CMTM7: variants seen among roughly 807,000 people sequenced by gnomAD.
The protein encoded by CMTM7 is CKLF like MARVEL transmembrane domain containing 7.
CMTM7 carries 7 observed loss-of-function variants against 19.3 expected under a neutral mutation model. The ratio of observed to expected loss-of-function variants is 0.36; its 90% confidence interval spans 0.21 to 0.68. The LOEUF is 0.68. Among genes scored for constraint, CMTM7 ranks in the 30% least tolerant of loss-of-function variants. CMTM7 has a pLI of 0.60. For missense variants in CMTM7, 193 were observed against 232.6 expected, an observed-to-expected ratio of 0.83 and a Z score of 1.11; for synonymous variants, 87 against 99.3, an observed-to-expected ratio of 0.88 and a Z score of 0.74.
chr3:32,394,363 G>C (rs189080844), intron 1 of CMTM7, among the ~76,000 whole-genome samples: 18 of 152,272 alleles, frequency 1.2e-4, no homozygotes, highest in Admixed American at 1.2e-3. Context: ...TTGACCATCA[G>C]TTTCTCAGTT....
intron 2 of CMTM7, among the ~76,000 whole-genome samples, chr3:32,444,638 T>C (rs114293958): frequency 0.011 from 1,747 of 152,362 alleles, 44 homozygotes; most frequent in African/African-American, 0.04. Context: ...ATTTGGAGAA[T>C]ATTGCTATCC....
Position 32,392,075 on chromosome 3 carries a change from C to G in CMTM7, c.159+10C>G. The stretch of plus-strand genomic sequence containing the variant: ...GAAAGTGGCGCAAATGGTAAGTGAG[C>G]GCGGGGCGCGAGGCCGAGGTTCTAC... On this transcript the variant is annotated intron_variant, in intron 1 of 4. Transcript: ENST00000334983. The G allele has an allele frequency of 8.1e-7, 1 of 1,232,738 alleles. No homozygotes were observed. Among genetic ancestry groups the G allele is most frequent in the Non-Finnish European group, 1.0e-6 (1 of 986,366 alleles). 76.4% of individuals were successfully genotyped at this position (1,232,738 alleles called of 1,614,324 possible). A position where few individuals can be genotyped will look rare whatever the true frequency, so the allele number is the denominator to read the frequency against.
At chr3:32,434,076 C>T (rs1220691961) in intron 1 of CMTM7, among the ~76,000 whole-genome samples, 1 of 151,928 alleles carries the variant, frequency 6.6e-6, no homozygotes, top group Non-Finnish European at 1.5e-5. Flanking sequence ...GTAATCCGAG[C>T]TACGTGGGAG....
chr3:32,422,186 C>T (rs998669117), intron 1 of CMTM7, among the ~76,000 whole-genome samples: 1 of 152,244 alleles, frequency 6.6e-6, no homozygotes, highest in East Asian at 1.9e-4. Flanking sequence ...CACATGCTTA[C>T]AAATCCCTTA....
intron 1 of CMTM7, among the ~76,000 whole-genome samples, chr3:32,436,584 G>A (rs1309053502): frequency 1.3e-5 from 2 of 152,156 alleles, no homozygotes; most frequent in Non-Finnish European, 2.9e-5. Flanking sequence ...GGCTTTTGAT[G>A]TTAGCTTTCA....
chr3:32,422,348 CGGGCCCA>C (rs1281448230), intron 1 of CMTM7, among the ~76,000 whole-genome samples: 1 of 152,230 alleles, frequency 6.6e-6, no homozygotes, highest in African/African-American at 2.4e-5. Context: ...ACTTCTGGCA[CGGGCCCA>C]GGGCTGGGTG....
chr3:32,449,672 AC>A lies in CMTM7; in HGVS notation c.432+122del. ...CATTCCCTTCATAGAATCAATACCT[AC>A]CTTGATCCAGCCATCAGCTCTCTCC... is the stretch of plus-strand genomic sequence containing the variant. On this transcript the variant is annotated intron_variant, in intron 3 of 4. Coordinates refer to ENST00000334983, the MANE Select transcript of CMTM7 (RefSeq NM_138410.4). This position sits in a 1 kb window ranked among gnomAD's most constrained non-coding sequence, Gnocchi z 4.5. The A allele has an allele frequency of 1.3e-6, 1 of 768,320 alleles. No homozygotes were observed. 47.6% of individuals were successfully genotyped at this position (768,320 alleles called of 1,614,324 possible). A position where few individuals can be genotyped will look rare whatever the true frequency, so the allele number is the denominator to read the frequency against.
At chr3:32,423,467 C>A (rs1229615184) in intron 1 of CMTM7, among the ~76,000 whole-genome samples, 2 of 152,142 alleles carry the variant, frequency 1.3e-5, no homozygotes, top group African/African-American at 4.8e-5. Flanking sequence ...AGGGTGGAGG[C>A]AGAAGTTGTG....
chr3:32,394,620 T>G (rs1233777594), intron 1 of CMTM7, among the ~76,000 whole-genome samples: 1 of 152,236 alleles, frequency 6.6e-6, no homozygotes, highest in African/African-American at 2.4e-5. Context: ...CTGGCCATGA[T>G]AATTCAGTTT....
At chr3:32,433,326 T>C (rs1014923010) in intron 1 of CMTM7, among the ~76,000 whole-genome samples, 11 of 152,336 alleles carry the variant, frequency 7.2e-5, no homozygotes, top group African/African-American at 2.4e-4. Flanking sequence ...GATGTGATTG[T>C]GGTACAGACC....
chr3:32,436,874 G>A (rs573037465), intron 1 of CMTM7, among the ~76,000 whole-genome samples: 8 of 152,084 alleles, frequency 5.3e-5, no homozygotes, highest in Admixed American at 1.3e-4. Flanking sequence ...AGAAGCCGAC[G>A]TCTCTTGAAA....
chr3:32,441,809 C>T, intron 1 of CMTM7, 31 bp from the exon 2 acceptor site: 1 of 1,605,226 alleles, frequency 6.2e-7, no homozygotes, highest in Non-Finnish European at 8.5e-7. Context: ...CTTGGGCAAG[C>T]ATTTCTCTGA....
intron 1 of CMTM7, among the ~76,000 whole-genome samples, chr3:32,431,324 G>A (rs1471366533): frequency 2.0e-5 from 3 of 152,160 alleles, no homozygotes; most frequent in African/African-American, 7.2e-5. Flanking sequence ...GTAGCATTAT[G>A]GGTAATTTTT....
intron 2 of CMTM7, among the ~76,000 whole-genome samples, chr3:32,448,193 G>GT (rs1174445224): frequency 6.6e-6 from 1 of 152,172 alleles, no homozygotes; most frequent in Non-Finnish European, 1.5e-5. Context: ...TCTCAAGTTG[G>GT]TTTTCTCTGC....
intron 2 of CMTM7, among the ~76,000 whole-genome samples, chr3:32,443,536 A>G (rs993610686): frequency 6.6e-6 from 1 of 152,196 alleles, no homozygotes; most frequent in Admixed American, 6.5e-5. Flanking sequence ...GCATTCATAT[A>G]CAAGTTTTTT....
intron 1 of CMTM7, among the ~76,000 whole-genome samples, chr3:32,415,073 A>T (rs1696239389): frequency 1.3e-5 from 2 of 152,020 alleles, no homozygotes; most frequent in African/African-American, 4.8e-5. Context: ...GGATGGAAGT[A>T]AACCTGTTCA....
At chr3:32,405,568 G>A (rs560601716) in intron 1 of CMTM7, among the ~76,000 whole-genome samples, 22 of 152,286 alleles carry the variant, frequency 1.4e-4, no homozygotes, top group African/African-American at 5.1e-4. Flanking sequence ...CTACTTTACA[G>A]ATGAGGAAAC....
chr3:32,437,511 C>T (rs929875639), intron 1 of CMTM7, among the ~76,000 whole-genome samples: 4 of 152,136 alleles, frequency 2.6e-5, no homozygotes, highest in Admixed American at 1.3e-4. Context: ...GCAGGAGAAT[C>T]GCTTGAACCC....
At chr3:32,437,753 T>C (rs1559412345) in intron 1 of CMTM7, among the ~76,000 whole-genome samples, 2 of 152,018 alleles carry the variant, frequency 1.3e-5, no homozygotes, top group Admixed American at 6.5e-5. Context: ...TAGCTGGGCA[T>C]GGTGGCGCAT....
Sources: allele counts gnomAD v4.1 joint callset (sites outside exome capture counted in the v4.1 genomes callset), GRCh38; gene constraint gnomAD v4.1.1; non-coding constraint Gnocchi (gnomAD v3.1); transcripts MANE v1.5; gene names NCBI Gene and HGNC (gene_info 2026-07-23, HGNC 2026-07-21).